The following LRP1B variants were observed in gnomAD, a reference collection of about 807,000 sequenced individuals.
The protein encoded by LRP1B is low-density lipoprotein receptor-related protein 1B.
Under a neutral mutation model 556.6 loss-of-function variants are expected in LRP1B, and 217 were observed. The ratio of observed to expected loss-of-function variants is 0.39; its 90% CI spans 0.35 to 0.44. The LOEUF (loss-of-function observed/expected upper bound fraction) is 0.44. Among genes scored for constraint, LRP1B ranks in the 20% least tolerant of loss-of-function variants. The pLI, the probability that LRP1B is intolerant of heterozygous loss-of-function variation, is 1.00. For missense variants in LRP1B, 5,053 were observed against 5,620.8 expected, an observed-to-expected ratio of 0.90 and a Z score of 3.23; for synonymous variants, 2,047 against 1,865.8, an observed-to-expected ratio of 1.10 and a Z score of -2.50.
At chr2:141,951,392 G>A (rs1296434203) in intron 1 of LRP1B, among the ~76,000 whole-genome samples, 1 of 152,080 alleles carries the variant, frequency 6.6e-6, no homozygotes, top group African/African-American at 2.4e-5. Context: ...TTATGCCTTT[G>A]CATCCTCATA....
chr2:140,600,581 G>A (rs903008739), intron 42 of LRP1B, among the ~76,000 whole-genome samples: 2 of 151,730 alleles, frequency 1.3e-5, no homozygotes, highest in African/African-American at 4.8e-5. Context: ...CACCTAAAAC[G>A]AACTCTTCTA....
rs1491579305 is a variant in LRP1B at position 141,890,359 on chromosome 2, GCA to G, written c.83-79960_83-79959del. 1.8e-4 allele frequency among the ~76,000 whole-genome samples: 10 copies of G among 56,108 alleles called. No homozygotes were observed. In the East Asian group the frequency reaches 4.5e-3, roughly 25 times the overall value. 36.8% of individuals were successfully genotyped at this position (56,108 alleles called of 152,430 possible). A position where few individuals can be genotyped will look rare whatever the true frequency, so the allele number is the denominator to read the frequency against. On this transcript the variant is annotated intron_variant, in intron 1 of 90. Coordinates refer to ENST00000389484, the MANE Select transcript of LRP1B (RefSeq NM_018557.3). ...ATATATATATATATATATGTATTGT[GCA>G]TATATATATATAGTGTGTATACATA...
At chr2:142,107,793 AATTTT>A (rs1706804996) in intron 1 of LRP1B, among the ~76,000 whole-genome samples, 1 of 89,052 alleles carries the variant, frequency 1.1e-5, no homozygotes, top group African/African-American at 3.9e-5. Flanking sequence ...ACGCCTAGCT[AATTTT>A]TTTTTTTTTT....
intron 3 of LRP1B, among the ~76,000 whole-genome samples, chr2:141,256,991 C>G (rs1558964326): frequency 6.6e-6 from 1 of 151,736 alleles, no homozygotes; most frequent in Non-Finnish European, 1.5e-5. Context: ...GAACTACCAC[C>G]AAGAAAAACT....
At chr2:140,298,043 A>C in intron 83 of LRP1B, 74 bp from the exon 84 acceptor site, 4 of 1,408,498 alleles carry the variant, frequency 2.8e-6, no homozygotes, top group South Asian at 1.4e-5. Flanking sequence ...TTTTCATGGG[A>C]TAAAAGTTGA....
intron 18 of LRP1B, among the ~76,000 whole-genome samples, chr2:140,974,043 G>A (rs1394086439): frequency 6.6e-6 from 1 of 152,184 alleles, no homozygotes; most frequent in African/African-American, 2.4e-5. Flanking sequence ...CTGTAAATCA[G>A]AAGAGTTGCT....
chr2:140,514,446 A>G (rs554597811), intron 51 of LRP1B, among the ~76,000 whole-genome samples: 1 of 152,136 alleles, frequency 6.6e-6, no homozygotes, highest in African/African-American at 2.4e-5. Context: ...AATATTAAGG[A>G]AAAATACCAA....
chr2:140,851,979 A>G, intron 27 of LRP1B, among the ~76,000 whole-genome samples, 196 bp from the exon 28 acceptor site: 1 of 152,338 alleles, frequency 6.6e-6, no homozygotes, highest in East Asian at 1.9e-4. Flanking sequence ...TATTTCAAAG[A>G]TAACTAAGAA....
intron 17 of LRP1B, among the ~76,000 whole-genome samples, chr2:140,986,142 T>A (rs182526150): frequency 7.1e-4 from 108 of 152,088 alleles, no homozygotes; most frequent in African/African-American, 2.5e-3. Flanking sequence ...GAGTATCTCA[T>A]GTAATTTAAC....
At chr2:141,023,689 T>G (rs1698134193) in intron 11 of LRP1B, among the ~76,000 whole-genome samples, 1 of 152,024 alleles carries the variant, frequency 6.6e-6, no homozygotes, top group African/African-American at 2.4e-5. Context: ...ATGTGAGCAG[T>G]GGCCTTATTT....
At chr2:141,073,815 C>T (rs892407481) in intron 7 of LRP1B, among the ~76,000 whole-genome samples, 1 of 152,066 alleles carries the variant, frequency 6.6e-6, no homozygotes, top group African/African-American at 2.4e-5. Flanking sequence ...ATCACCACAT[C>T]CTGCCAGTTA....
chr2:141,083,625 T>A (rs1404009787), intron 7 of LRP1B, among the ~76,000 whole-genome samples: 1 of 152,210 alleles, frequency 6.6e-6, no homozygotes, highest in Non-Finnish European at 1.5e-5. Flanking sequence ...ATAAGAGCTC[T>A]GCTTTCGTAA....
intron 26 of LRP1B, 22 bp from the exon 27 acceptor site, chr2:140,867,856 A>T (rs1384436680): frequency 6.7e-7 from 1 of 1,500,172 alleles, no homozygotes; most frequent in Admixed American, 2.3e-5. Flanking sequence ...TAAATACATG[A>T]GTAGTTTGTC....
intron 31 of LRP1B, among the ~76,000 whole-genome samples, chr2:140,833,563 A>G (rs1013588136): frequency 1.3e-5 from 2 of 152,220 alleles, no homozygotes; most frequent in African/African-American, 4.8e-5. Context: ...TTGTTGCCAG[A>G]TACATGCTCT....
chr2:140,330,576 T>C (rs1680755808), intron 79 of LRP1B, among the ~76,000 whole-genome samples: 1 of 152,030 alleles, frequency 6.6e-6, no homozygotes, highest in Non-Finnish European at 1.5e-5. Flanking sequence ...ATTAACTTAA[T>C]ATAGATTTAA....
At chr2:142,031,336 T>TGATAAGA (rs1415365311) in intron 1 of LRP1B, among the ~76,000 whole-genome samples, 20 of 137,230 alleles carry the variant, frequency 1.5e-4, no homozygotes, top group South Asian at 1.3e-3. Flanking sequence ...ACTTATTTTT[T>TGATAAGA]TTTTTTTTTT....
chr2:140,300,996 T>C (rs1683796435), intron 83 of LRP1B, among the ~76,000 whole-genome samples: 1 of 152,168 alleles, frequency 6.6e-6, no homozygotes. Flanking sequence ...CAAATCATTC[T>C]GAAACTTTTA....
intron 11 of LRP1B, among the ~76,000 whole-genome samples, chr2:141,048,155 A>C (rs1311992857): frequency 6.6e-6 from 1 of 152,110 alleles, no homozygotes; most frequent in East Asian, 1.9e-4. Flanking sequence ...TACAATAAGC[A>C]CACAATTAAT....
At chr2:141,945,653 G>GCCCA (rs1181502980) in intron 1 of LRP1B, among the ~76,000 whole-genome samples, 2 of 151,382 alleles carry the variant, frequency 1.3e-5, no homozygotes, top group Non-Finnish European at 2.9e-5. Flanking sequence ...TGATTATAAT[G>GCCCA]CCCACCCAGT....
Sources: gnomAD v4.1 joint callset for allele counts (sites outside exome capture counted in the v4.1 genomes callset) on GRCh38, gnomAD v4.1.1 for gene constraint, MANE v1.5 for transcripts, NCBI Gene and HGNC (gene_info 2026-07-23, HGNC 2026-07-21) for gene names.